IL36B: variants seen among roughly 807,000 people sequenced by gnomAD.
IL36B encodes interleukin 36 beta.
In IL36B, 23 loss-of-function variants were observed where a neutral mutation model predicts 19.3. That is an observed-to-expected ratio of 1.19 (90% CI 0.86 to 1.69). The LOEUF is 1.69. IL36B is among the 40% of genes most tolerant of loss of function. The probability of loss-of-function intolerance (pLI) is 0.00; values close to 1 mark genes in which losing one functional copy is unlikely to be tolerated. For synonymous variants in IL36B, 59 were observed against 59.7 expected (o/e 0.99, Z 0.05); for missense variants, 217 against 200.5 (o/e 1.08, Z -0.50).
intron 5 of IL36B, among the ~76,000 whole-genome samples, chr2:113,024,020 G>A (rs1684908666): frequency 6.6e-6 from 1 of 152,182 alleles, no homozygotes; most frequent in Non-Finnish European, 1.5e-5. Context: ...GGGCAGATAT[G>A]CATGCTGATG....
chr2:113,047,337 C>A (rs960312036), intron 1 of IL36B, among the ~76,000 whole-genome samples: 1 of 152,166 alleles, frequency 6.6e-6, no homozygotes, highest in South Asian at 2.1e-4. Flanking sequence ...AGAAATGCTT[C>A]AATTAGCATT....
chr2:113,051,349 C>T (rs549893217), intron 1 of IL36B, among the ~76,000 whole-genome samples: 7 of 152,344 alleles, frequency 4.6e-5, no homozygotes, highest in South Asian at 2.1e-4. Flanking sequence ...CAGAAGTTGC[C>T]GGTGGCTCTG....
intron 1 of IL36B, among the ~76,000 whole-genome samples, chr2:113,035,865 A>C (rs17042735): frequency 0.12 from 18,769 of 152,228 alleles, 1,301 homozygotes; most frequent in East Asian, 0.25. Flanking sequence ...AGATAAAAGA[A>C]GGGAAGTGGT....
intron 5 of IL36B, among the ~76,000 whole-genome samples, chr2:113,024,549 A>G (rs1223420294): frequency 6.6e-6 from 1 of 152,252 alleles, no homozygotes; most frequent in Non-Finnish European, 1.5e-5. Context: ...AGCAAAGAAC[A>G]TCACAGCTCT....
chr2:113,032,232 C>T (rs1263176614), intron 1 of IL36B, among the ~76,000 whole-genome samples: 1 of 151,796 alleles, frequency 6.6e-6, no homozygotes, highest in Non-Finnish European at 1.5e-5. Context: ...TGAAGCTGAA[C>T]ACTCCTAAGT....
chr2:113,031,698 T>C lies in IL36B; in HGVS notation c.12A>G (p.Gln4=), dbSNP rs543161159. 5.2e-5 allele frequency: 83 copies of C among 1,610,562 alleles called. 1 individual carries two copies. The highest frequency in any genetic ancestry group is 5.1e-4 in the South Asian group (46 of 90,968). ...GCTGATTTGCAATTCACCACTTACG[T>C]TGTGGGTTCATGATGTCTTCAGAGC... is the stretch of plus-strand genomic sequence containing the variant. The change falls in exon 2 of 6, where the codon CAA becomes CAG. Residue 4 remains glutamine (Q), a splice_region_variant and synonymous_variant. Coordinates refer to ENST00000259213, the MANE Select transcript of IL36B (RefSeq NM_014438.5).
chr2:113,027,708 A>C (rs1322845011), intron 4 of IL36B: 1 of 1,421,146 alleles, frequency 7.0e-7, no homozygotes, highest in African/African-American at 1.4e-5. Context: ...TCATCTTGGG[A>C]TAGTGACATT....
chr2:113,033,980 G>A (rs906792619), intron 1 of IL36B, among the ~76,000 whole-genome samples: 2 of 152,184 alleles, frequency 1.3e-5, no homozygotes, highest in Admixed American at 6.5e-5. Flanking sequence ...CTGGAGCATT[G>A]CAATAGTCTC....
chr2:113,048,811 TACAA>T (rs1313533926), intron 1 of IL36B, among the ~76,000 whole-genome samples: 8 of 152,156 alleles, frequency 5.3e-5, no homozygotes, highest in African/African-American at 1.7e-4. Context: ...AAGAGGATAC[TACAA>T]ACAAATTTAT....
At chr2:113,027,632 C>G in intron 4 of IL36B, 1 of 1,265,068 alleles carries the variant, frequency 7.9e-7, no homozygotes, top group East Asian at 3.7e-5. Flanking sequence ...GTTGACTAAA[C>G]TGGGCATGGC....
chr2:113,038,838 A>G (rs770040768), intron 1 of IL36B, among the ~76,000 whole-genome samples: 2 of 152,222 alleles, frequency 1.3e-5, no homozygotes, highest in African/African-American at 2.4e-5. Flanking sequence ...TGCAGAGCCA[A>G]TCATTAATTC....
intron 1 of IL36B, among the ~76,000 whole-genome samples, chr2:113,042,137 C>A (rs1323126054): frequency 2.6e-5 from 4 of 152,198 alleles, no homozygotes; most frequent in Non-Finnish European, 5.9e-5. Context: ...AGGGCTGTAT[C>A]TGAGGCACCT....
At chr2:113,050,745 G>A (rs1340807785) in intron 1 of IL36B, among the ~76,000 whole-genome samples, 1 of 152,188 alleles carries the variant, frequency 6.6e-6, no homozygotes, top group East Asian at 1.9e-4. Context: ...AAAAAAGATA[G>A]TTTCTGTTTT....
chr2:113,032,652 G>A (rs1685100688), intron 1 of IL36B, among the ~76,000 whole-genome samples: 1 of 152,206 alleles, frequency 6.6e-6, no homozygotes, highest in Non-Finnish European at 1.5e-5. Context: ...AGCAGCAGAA[G>A]TTACCTTTAG....
Position 113,028,981 on chromosome 2 carries a change from G to A in IL36B, c.219C>T (p.Leu73=). 2 of 1,614,156 alleles carry A rather than the reference G, an allele frequency of 1.2e-6. No homozygotes were observed. The highest frequency in any genetic ancestry group is 1.7e-6 in the Non-Finnish European group (2 of 1,179,986). ...GCTTGCCCTGAATTTCTGCACAGAA[G>A]AGACAGAGATCTTTTCCCTTGATTC... Residue 73 remains leucine, a synonymous_variant, in exon 4 of 6, where the codon CTC becomes CTT. Transcript: ENST00000259213.
intron 1 of IL36B, among the ~76,000 whole-genome samples, chr2:113,045,335 G>A (rs924336884): frequency 1.1e-4 from 16 of 151,854 alleles, no homozygotes; most frequent in African/African-American, 3.4e-4. Flanking sequence ...AAAATCTGCC[G>A]TCATCCTTCT....
At chr2:113,047,349 C>T (rs759285999) in intron 1 of IL36B, among the ~76,000 whole-genome samples, 1 of 152,140 alleles carries the variant, frequency 6.6e-6, no homozygotes, top group Non-Finnish European at 1.5e-5. Flanking sequence ...ATTAGCATTT[C>T]TTACGAGCAT....
chr2:113,047,268 AG>A (rs1306556820), intron 1 of IL36B, among the ~76,000 whole-genome samples: 1 of 152,094 alleles, frequency 6.6e-6, no homozygotes, highest in Non-Finnish European at 1.5e-5. Flanking sequence ...CATTTTGCCA[AG>A]GGTGTTGGGT....
At chr2:113,024,778 C>T (rs1364976429) in intron 5 of IL36B, among the ~76,000 whole-genome samples, 1 of 152,214 alleles carries the variant, frequency 6.6e-6, no homozygotes, top group African/African-American at 2.4e-5. Context: ...TCCAGGATTA[C>T]ATTGCATTTT....
Sources: gnomAD v4.1 joint callset for allele counts (sites outside exome capture counted in the v4.1 genomes callset) on GRCh38, gnomAD v4.1.1 for gene constraint, MANE v1.5 for transcripts, NCBI Gene and HGNC (gene_info 2026-07-23, HGNC 2026-07-21) for gene names.